ADCY2: variants seen among roughly 807,000 people sequenced by gnomAD.
The protein encoded by ADCY2 is adenylate cyclase 2.
Under a neutral mutation model 125.2 loss-of-function variants are expected in ADCY2, and 31 were observed. The observed-to-expected ratio is 0.25, with a 90% confidence interval of 0.19 to 0.33. ADCY2 has a LOEUF of 0.33. ADCY2 is among the 10% of genes least tolerant of loss of function. The pLI is 1.00. For synonymous variants in ADCY2, 512 were observed against 548.4 expected, an observed-to-expected ratio of 0.93 and a Z score of 0.93; for missense variants, 904 against 1,418.2, an observed-to-expected ratio of 0.64 and a Z score of 5.82.
intron 1 of ADCY2, among the ~76,000 whole-genome samples, chr5:7,399,797 G>A (rs1739195162): frequency 1.3e-5 from 2 of 152,192 alleles, no homozygotes; most frequent in Admixed American, 6.5e-5. Context: ...TGCCTACCAA[G>A]TGCCAGGAAT....
chr5:7,772,342 T>C (rs1743581986), intron 17 of ADCY2, among the ~76,000 whole-genome samples: 1 of 152,168 alleles, frequency 6.6e-6, no homozygotes, highest in Non-Finnish European at 1.5e-5. Flanking sequence ...GTTCGTCCGC[T>C]TTCTTCTGGT....
In ADCY2 at chr5:7,808,467, AC is replaced by A. The variant is rs1272676804; in HGVS notation, c.2883+3777del. Among the ~76,000 whole-genome samples, 61 of 152,270 alleles carry A rather than the reference AC, an allele frequency of 4.0e-4. 1 individual carries two copies. Among genetic ancestry groups the A allele is most frequent in the African/African-American group, 1.4e-3 (60 of 41,550 alleles). ...TAAATTCTTTCCCTGACCTTGTTGA[AC>A]CTTTACTGAATGGCTCCTGAGCCCT... is the stretch of plus-strand genomic sequence containing the variant. On this transcript the variant is annotated intron_variant, in intron 22 of 24. Coordinates refer to ENST00000338316, the MANE Select transcript of ADCY2 (RefSeq NM_020546.3).
chr5:7,500,349 T>G (rs1743515561), intron 2 of ADCY2, among the ~76,000 whole-genome samples: 1 of 152,298 alleles, frequency 6.6e-6, no homozygotes, highest in Middle Eastern at 3.4e-3. Flanking sequence ...GCTCACTCCT[T>G]AAGTATGGGC....
chr5:7,611,067 TA>T (rs1190147935), intron 3 of ADCY2: 2 of 152,144 alleles, frequency 1.3e-5, no homozygotes, highest in African/African-American at 2.4e-5. Context: ...ATGTTTCTGT[TA>T]GGAAAACAAC....
At chr5:7,660,223 G>A (rs543507118) in intron 4 of ADCY2, among the ~76,000 whole-genome samples, 69 of 141,006 alleles carry the variant, frequency 4.9e-4, no homozygotes, top group African/African-American at 1.7e-3. Flanking sequence ...ATGGAGGGAG[G>A]GAGGGAGGGA....
chr5:7,765,078 C>T (rs1184893698), intron 16 of ADCY2, among the ~76,000 whole-genome samples: 1 of 152,122 alleles, frequency 6.6e-6, no homozygotes, highest in Non-Finnish European at 1.5e-5. Context: ...ATTGCAAAAC[C>T]TCCTTGCAAG....
chr5:7,417,547 A>T (rs1740002835), intron 2 of ADCY2, among the ~76,000 whole-genome samples: 1 of 152,228 alleles, frequency 6.6e-6, no homozygotes, highest in Admixed American at 6.5e-5. Context: ...AACATGGAAG[A>T]TTCCAGTAAT....
intron 1 of ADCY2, among the ~76,000 whole-genome samples, chr5:7,413,580 G>C (rs545677386): frequency 6.6e-6 from 1 of 151,234 alleles, no homozygotes; most frequent in South Asian, 2.1e-4. Flanking sequence ...TTACAGGCGT[G>C]AGCCACCGCA....
intron 2 of ADCY2, among the ~76,000 whole-genome samples, chr5:7,444,887 A>G (rs1219752594): frequency 6.6e-6 from 1 of 152,118 alleles, no homozygotes. Flanking sequence ...CATGTGTCCA[A>G]AGGACATTTG....
At chr5:7,734,014 T>C (rs972662709) in intron 14 of ADCY2, among the ~76,000 whole-genome samples, 1 of 152,230 alleles carries the variant, frequency 6.6e-6, no homozygotes, top group Non-Finnish European at 1.5e-5. Context: ...TTTCACTGAA[T>C]TCCCTTTCAT....
chr5:7,809,250 T>A (rs1744859186), intron 22 of ADCY2, among the ~76,000 whole-genome samples: 1 of 152,214 alleles, frequency 6.6e-6, no homozygotes, highest in Non-Finnish European at 1.5e-5. Context: ...GGAGGGAAAT[T>A]CTCTCAGTAC....
chr5:7,645,501 A>G (rs1000228199), intron 4 of ADCY2, among the ~76,000 whole-genome samples: 1 of 152,202 alleles, frequency 6.6e-6, no homozygotes, highest in African/African-American at 2.4e-5. Context: ...AACCTTCATT[A>G]CCAATGAGAC....
intron 1 of ADCY2, among the ~76,000 whole-genome samples, chr5:7,408,909 A>G (rs146342723): frequency 1.3e-5 from 2 of 152,338 alleles, no homozygotes; most frequent in Non-Finnish European, 2.9e-5. Flanking sequence ...AAATCATTCT[A>G]TTATAAAGAC....
intron 7 of ADCY2, among the ~76,000 whole-genome samples, chr5:7,704,605 C>A (rs888599677): frequency 1.3e-5 from 2 of 152,044 alleles, no homozygotes; most frequent in African/African-American, 2.4e-5. Flanking sequence ...GTTGGCCGGG[C>A]GCGGTGGGTC....
At chr5:7,636,515 T>A (rs1263290112) in intron 4 of ADCY2, among the ~76,000 whole-genome samples, 3 of 152,148 alleles carry the variant, frequency 2.0e-5, no homozygotes, top group South Asian at 4.1e-4. Context: ...GAAGGCAGTA[T>A]ACAAGGCAGA....
At chr5:7,483,386 C>T (rs762329421) in intron 2 of ADCY2, among the ~76,000 whole-genome samples, 2 of 151,644 alleles carry the variant, frequency 1.3e-5, no homozygotes, top group Non-Finnish European at 2.9e-5. Flanking sequence ...ACATGCTAGC[C>T]TTTCAGTGAT....
chr5:7,455,904 A>G (rs1057380585), intron 2 of ADCY2, among the ~76,000 whole-genome samples: 1 of 148,710 alleles, frequency 6.7e-6, no homozygotes, highest in Admixed American at 6.7e-5. Context: ...ATGCATTTAT[A>G]TAATATATAA....
chr5:7,443,012 G>A (rs148526783), intron 2 of ADCY2, among the ~76,000 whole-genome samples: 5 of 152,164 alleles, frequency 3.3e-5, no homozygotes, highest in African/African-American at 4.8e-5. Context: ...GCCCCATGAC[G>A]TTCACTTCTG....
At chr5:7,478,087 GTAAC>G (rs1350907351) in intron 2 of ADCY2, among the ~76,000 whole-genome samples, 1 of 152,144 alleles carries the variant, frequency 6.6e-6, no homozygotes, top group African/African-American at 2.4e-5. Context: ...TGGTATTTCT[GTAAC>G]TTTGTACATT....
Sources: gnomAD v4.1 joint callset for allele counts (sites outside exome capture counted in the v4.1 genomes callset) on GRCh38, gnomAD v4.1.1 for gene constraint, MANE v1.5 for transcripts, NCBI Gene and HGNC (gene_info 2026-07-23, HGNC 2026-07-21) for gene names.